The following TASP1 variants were observed in gnomAD, a reference collection of about 807,000 sequenced individuals.
TASP1 encodes threonine aspartase 1.
TASP1 carries 16 observed loss-of-function variants against 56.6 expected under a neutral mutation model. The ratio of observed to expected loss-of-function variants is 0.28; its 90% CI spans 0.19 to 0.43. The LOEUF (loss-of-function observed/expected upper bound fraction) is 0.43, where lower values mean the gene tolerates loss of function less well. Ranked by LOEUF, TASP1 falls within the 20% of genes least tolerant of loss-of-function variation. The pLI, the probability that TASP1 is intolerant of heterozygous loss-of-function variation, is 1.00. For synonymous variants in TASP1, 179 were observed against 184.2 expected (o/e 0.97, Z 0.23); for missense variants, 393 against 511.6 (o/e 0.77, Z 2.24).
intron 13 of TASP1, among the ~76,000 whole-genome samples, chr20:13,410,359 T>G (rs969414737): frequency 2.0e-5 from 3 of 152,146 alleles, no homozygotes; most frequent in Admixed American, 1.3e-4. Context: ...AGTAGAAAGG[T>G]TGGATTGCAT....
chr20:13,266,702 T>C, the TASP1 span, among the ~76,000 whole-genome samples: 1 of 152,236 alleles, frequency 6.6e-6, no homozygotes, highest in African/African-American at 2.4e-5. Flanking sequence ...TTGGAAAGAA[T>C]GGTCATGATG....
the TASP1 span, among the ~76,000 whole-genome samples, chr20:13,373,620 GTTCA>G: frequency 6.6e-6 from 1 of 151,834 alleles, no homozygotes; most frequent in African/African-American, 2.4e-5. Context: ...AAAGTCAGTT[GTTCA>G]TTTTATTGGG....
chr20:13,289,672 AG>A, the TASP1 span, among the ~76,000 whole-genome samples: 2 of 96,366 alleles, frequency 2.1e-5, no homozygotes, highest in East Asian at 5.3e-4. Flanking sequence ...GAGGAGGAGG[AG>A]GGGGAGGAGG....
the TASP1 span, chr20:13,299,862 A>C: frequency 6.1e-6 from 1 of 162,726 alleles, no homozygotes. The surrounding 1 kb of genome is among the most constrained non-coding windows in gnomAD (Gnocchi z 5.8). Flanking sequence ...TTTAATACAA[A>C]TGTGACTTAA....
the TASP1 span, among the ~76,000 whole-genome samples, chr20:13,254,892 C>G: frequency 1.3e-5 from 2 of 152,326 alleles, no homozygotes; most frequent in East Asian, 3.9e-4. Flanking sequence ...TCATTCCTTC[C>G]TTTTCCATCT....
chr20:13,229,694 G>A, the TASP1 span, among the ~76,000 whole-genome samples: 1 of 152,188 alleles, frequency 6.6e-6, no homozygotes. Flanking sequence ...TAGTAAGGCT[G>A]ACATAGTCTC....
At chr20:13,237,164 A>G in the TASP1 span, among the ~76,000 whole-genome samples, 1 of 152,328 alleles carries the variant, frequency 6.6e-6, no homozygotes, top group Non-Finnish European at 1.5e-5. Flanking sequence ...ATTCTGGGAG[A>G]TACAATTCAA....
chr20:13,353,053 A>G, the TASP1 span, among the ~76,000 whole-genome samples: 1 of 152,146 alleles, frequency 6.6e-6, no homozygotes, highest in Admixed American at 6.5e-5. Context: ...CCTGAGCAAC[A>G]TAGCAAGATG....
At chr20:13,618,563 G>A (rs1472704247) in intron 4 of TASP1, among the ~76,000 whole-genome samples, 1 of 152,096 alleles carries the variant, frequency 6.6e-6, no homozygotes, top group Non-Finnish European at 1.5e-5. Context: ...GACTTCCCTA[G>A]AGTTTACAAG....
At chr20:13,521,927 T>C (rs1384603880) in intron 10 of TASP1, among the ~76,000 whole-genome samples, 2 of 152,008 alleles carry the variant, frequency 1.3e-5, no homozygotes, top group Non-Finnish European at 2.9e-5. Flanking sequence ...AAGAACTCCA[T>C]GTTTATATAG....
At chr20:13,277,366 C>T in the TASP1 span, among the ~76,000 whole-genome samples, 1 of 152,124 alleles carries the variant, frequency 6.6e-6, no homozygotes. Flanking sequence ...CAGCCTCTCC[C>T]CTCCAAGACC....
chr20:13,438,279 A>G (rs1008415966), intron 11 of TASP1, among the ~76,000 whole-genome samples: 1 of 152,234 alleles, frequency 6.6e-6, no homozygotes, highest in Non-Finnish European at 1.5e-5. Context: ...AGTAATCAAA[A>G]CAGCATGGTA....
chr20:13,533,580 G>GT, intron 9 of TASP1, among the ~76,000 whole-genome samples: 1 of 152,122 alleles, frequency 6.6e-6, no homozygotes, highest in Non-Finnish European at 1.5e-5. Flanking sequence ...TCAGAGGAGG[G>GT]ATGTAAAGGG....
chr20:13,381,773 T>C, the TASP1 span, among the ~76,000 whole-genome samples: 8 of 152,220 alleles, frequency 5.3e-5, no homozygotes, highest in Non-Finnish European at 1.5e-5. Context: ...CTCTAAGCCA[T>C]TATTCTGGGT....
chr20:13,636,247 G>A (rs1264154470), intron 1 of TASP1, among the ~76,000 whole-genome samples: 1 of 147,174 alleles, frequency 6.8e-6, no homozygotes, highest in Non-Finnish European at 1.5e-5. Flanking sequence ...CCAGGTTCAA[G>A]CGATTCTTGT....
At position 13,634,953 on chromosome 20, in the gene TASP1, A is replaced by G. The variant is rs561186190; in HGVS notation, c.-75+3941T>C. Among the ~76,000 whole-genome samples, 9 of 152,040 alleles carry G rather than the reference A, an allele frequency of 5.9e-5. No homozygotes were observed. In the East Asian group the frequency reaches 1.7e-3, roughly 29 times the overall value. ...TGAGGCAGGAGAATCGCTTGAACCC[A>G]GGAAGCAGAGGTTGCAGTGAGCAGA... On this transcript the variant is annotated intron_variant, in intron 1 of 13. Coordinates refer to ENST00000337743, the MANE Select transcript of TASP1 (RefSeq NM_017714.3).
At chr20:13,255,098 T>A in the TASP1 span, among the ~76,000 whole-genome samples, 61 of 152,138 alleles carry the variant, frequency 4.0e-4, no homozygotes, top group African/African-American at 1.4e-3. Context: ...ATACTACAAA[T>A]TAAATAAGCA....
the TASP1 span, among the ~76,000 whole-genome samples, chr20:13,190,163 G>C: frequency 5.3e-5 from 8 of 152,122 alleles, no homozygotes; most frequent in African/African-American, 1.9e-4. Context: ...AGGGTAGGGA[G>C]CAAGGGTTGA....
the TASP1 span, chr20:13,279,605 C>T: frequency 0.38 from 605,215 of 1,590,546 alleles, 119,863 homozygotes; most frequent in African/African-American, 0.65. Context: ...TGACTCCACA[C>T]TGACCCCAGC....
Sources: allele counts gnomAD v4.1 joint callset (sites outside exome capture counted in the v4.1 genomes callset), GRCh38; gene constraint gnomAD v4.1.1; non-coding constraint Gnocchi (gnomAD v3.1); transcripts MANE v1.5; gene names NCBI Gene and HGNC (gene_info 2026-07-23, HGNC 2026-07-21).